SORCS2: variants seen among roughly 807,000 people sequenced by gnomAD.
The protein encoded by SORCS2 is VPS10 domain-containing receptor SorCS2.
SORCS2 carries 100 observed loss-of-function variants against 141.6 expected under a neutral mutation model. The observed-to-expected ratio is 0.71, with a 90% CI of 0.60 to 0.83. The LOEUF (loss-of-function observed/expected upper bound fraction) is 0.83. Among genes scored for constraint, SORCS2 ranks in the 40% least tolerant of loss-of-function variants. The probability of loss-of-function intolerance (pLI) is 0.00; values close to 1 mark genes in which losing one functional copy is unlikely to be tolerated. For missense variants in SORCS2, 1,646 were observed against 1,560.2 expected, an observed-to-expected ratio of 1.05 and a Z score of -0.93; for synonymous variants, 789 against 676.9, an observed-to-expected ratio of 1.17 and a Z score of -2.57.
chr4:7,687,593 G>A (rs191535312), intron 10 of SORCS2, among the ~76,000 whole-genome samples: 76 of 152,180 alleles, frequency 5.0e-4, no homozygotes, highest in African/African-American at 1.4e-3. Context: ...ATTCAGCTCC[G>A]GGCTCCCCAG....
At chr4:7,362,557 G>A (rs539828683) in intron 1 of SORCS2, among the ~76,000 whole-genome samples, 1 of 152,262 alleles carries the variant, frequency 6.6e-6, no homozygotes, top group South Asian at 2.1e-4. Context: ...GGACAAATGT[G>A]TTGGTGCTGA....
intron 1 of SORCS2, among the ~76,000 whole-genome samples, chr4:7,276,173 G>A (rs1715489421): frequency 6.6e-6 from 1 of 152,186 alleles, no homozygotes; most frequent in Admixed American, 6.5e-5. Flanking sequence ...GAAGCCCTGG[G>A]AAGGGGCTTG....
intron 1 of SORCS2, among the ~76,000 whole-genome samples, chr4:7,309,784 C>A (rs923745102): frequency 1.3e-5 from 2 of 152,160 alleles, no homozygotes; most frequent in African/African-American, 2.4e-5. Flanking sequence ...TGTGTCCAGG[C>A]TGGGGAGAGG....
At chr4:7,229,533 T>C (rs182928641) in intron 1 of SORCS2, among the ~76,000 whole-genome samples, 1 of 152,344 alleles carries the variant, frequency 6.6e-6, no homozygotes, top group East Asian at 1.9e-4. Flanking sequence ...GCACAGATCG[T>C]CTGAATTTCC....
chr4:7,298,776 C>A (rs561493425), intron 1 of SORCS2, among the ~76,000 whole-genome samples: 8 of 152,310 alleles, frequency 5.3e-5, no homozygotes, highest in Admixed American at 3.9e-4. Flanking sequence ...CTGAGGTCCC[C>A]GGGCCTAGCT....
chr4:7,667,463 T>A (rs1016309950), intron 8 of SORCS2, among the ~76,000 whole-genome samples: 10 of 152,214 alleles, frequency 6.6e-5, no homozygotes, highest in African/African-American at 2.4e-4. Flanking sequence ...CTGGTTCATC[T>A]TTCCCCGGAA....
chr4:7,450,145 G>T (rs560160249), intron 2 of SORCS2, among the ~76,000 whole-genome samples: 1 of 152,356 alleles, frequency 6.6e-6, no homozygotes, highest in Admixed American at 6.5e-5. Context: ...CAGGCAGGCA[G>T]CCCCCAGTGC....
At chr4:7,410,248 A>T (rs553611426) in intron 2 of SORCS2, among the ~76,000 whole-genome samples, 3 of 152,342 alleles carry the variant, frequency 2.0e-5, no homozygotes, top group African/African-American at 7.2e-5. Context: ...TAACGCTGAG[A>T]GTTCATAGCC....
chr4:7,302,775 G>GTGTGTGTGTGTGTA (rs1717520000), intron 1 of SORCS2, among the ~76,000 whole-genome samples: 1 of 151,144 alleles, frequency 6.6e-6, no homozygotes, highest in Non-Finnish European at 1.5e-5. Context: ...ACATATGTGT[G>GTGTGTGTGTGTGTA]TGTGTGTGTG....
chr4:7,680,123 C>T (rs1025998797), intron 9 of SORCS2, among the ~76,000 whole-genome samples: 2 of 152,198 alleles, frequency 1.3e-5, no homozygotes, highest in East Asian at 1.9e-4. Flanking sequence ...CAAAGACTTG[C>T]GGCACATTCC....
chr4:7,199,937 G>A (rs1475588716), intron 1 of SORCS2, among the ~76,000 whole-genome samples: 2 of 152,074 alleles, frequency 1.3e-5, no homozygotes, highest in African/African-American at 4.8e-5. Context: ...CACTCCCGGG[G>A]AATGCGAGCA....
At chr4:7,411,024 C>T (rs4077717) in intron 2 of SORCS2, among the ~76,000 whole-genome samples, 21,093 of 133,778 alleles carry the variant, frequency 0.16, 1,652 homozygotes, top group Admixed American at 0.23. Context: ...GGTGTGATCT[C>T]GACTCACCGC....
chr4:7,651,771 G>T (rs1003791132), intron 4 of SORCS2, among the ~76,000 whole-genome samples: 1 of 152,042 alleles, frequency 6.6e-6, no homozygotes, highest in Non-Finnish European at 1.5e-5. Context: ...CTTGACCCCC[G>T]CAGGGCCTGC....
intron 1 of SORCS2, among the ~76,000 whole-genome samples, chr4:7,300,059 A>G (rs1443317778): frequency 6.6e-6 from 1 of 152,178 alleles, no homozygotes; most frequent in Non-Finnish European, 1.5e-5. Context: ...CAGAATCAGG[A>G]CGAGAGAGGA....
intron 2 of SORCS2, among the ~76,000 whole-genome samples, chr4:7,476,327 C>CA (rs1298414554): frequency 6.6e-6 from 1 of 152,160 alleles, no homozygotes. Context: ...GTCAGGCCTG[C>CA]AGGCTGGTAA....
At position 7,740,977 on chromosome 4, in the gene SORCS2, A is replaced by G; in HGVS notation, c.*713A>G. On this transcript the variant is annotated 3_prime_UTR_variant, in exon 27 of 27. Coordinates refer to ENST00000507866, the MANE Select transcript of SORCS2 (RefSeq NM_020777.3). ...TGTCTCCTCTGCCCAGAGGGGCAGC[A>G]GCTCTCCCTGGTTCTCCCCAGGGCA... is the stretch of plus-strand genomic sequence containing the variant. 1 of 398,372 alleles carries G rather than the reference A, an allele frequency of 2.5e-6. No individual in the cohort carries two copies. The highest frequency in any genetic ancestry group is 4.4e-6 in the Non-Finnish European group (1 of 226,206). The allele number at this position is 398,372 out of a possible 1,614,324, so 24.7% of individuals were successfully genotyped here.
At chr4:7,203,569 G>A (rs906136946) in intron 1 of SORCS2, among the ~76,000 whole-genome samples, 5 of 145,318 alleles carry the variant, frequency 3.4e-5, no homozygotes, top group Admixed American at 6.8e-5. Flanking sequence ...AGCCGAGATC[G>A]TGCCACTGCA....
intron 1 of SORCS2, among the ~76,000 whole-genome samples, chr4:7,285,963 G>C (rs1185707437): frequency 6.6e-6 from 1 of 152,182 alleles, no homozygotes; most frequent in African/African-American, 2.4e-5. Context: ...GGCCCAGTGC[G>C]GGGACCAGCA....
At chr4:7,627,731 G>A (rs1229447303) in intron 3 of SORCS2, among the ~76,000 whole-genome samples, 1 of 151,722 alleles carries the variant, frequency 6.6e-6, no homozygotes, top group African/African-American at 2.4e-5. Context: ...ATGAAGGCGT[G>A]CCCTCGGTCC....
Sources: gnomAD v4.1 joint callset for allele counts (sites outside exome capture counted in the v4.1 genomes callset) on GRCh38, gnomAD v4.1.1 for gene constraint, MANE v1.5 for transcripts, NCBI Gene and HGNC (gene_info 2026-07-23, HGNC 2026-07-21) for gene names.